The following LRIG1 variants were observed in gnomAD, a reference collection of about 807,000 sequenced individuals.
LRIG1 encodes leucine rich repeats and immunoglobulin like domains 1, also known as leucine-rich repeats and immunoglobulin-like domains protein 1.
Under a neutral mutation model 99.2 loss-of-function variants are expected in LRIG1, and 48 were observed. That is an observed-to-expected ratio of 0.48 (90% CI 0.38 to 0.62). The LOEUF is 0.62. Among genes scored for constraint, LRIG1 ranks in the 20% least tolerant of loss-of-function variants. LRIG1 has a pLI of 0.00. For missense variants in LRIG1, 1,646 were observed against 1,434.4 expected (o/e 1.15, Z -2.38); for synonymous variants, 772 against 596.1 (o/e 1.29, Z -4.30).
intron 1 of LRIG1, among the ~76,000 whole-genome samples, chr3:66,477,847 G>C (rs1337252932): frequency 2.5e-5 from 1 of 40,592 alleles, no homozygotes; most frequent in Non-Finnish European, 2.5e-4. Flanking sequence ...GCAACTATTT[G>C]AGTGATGCAC....
Position 66,409,539 on chromosome 3 carries a change from G to C in LRIG1, c.935+590C>G, listed in dbSNP as rs563659883. ...ACCACACCACACATCTCTGAACTAA[G>C]CACGCACACGACTGCACAGGAGCCT... is the stretch of plus-strand genomic sequence containing the variant. On this transcript the variant is annotated intron_variant, in intron 7 of 18. Transcript: ENST00000273261. Among the ~76,000 whole-genome samples the C allele has an allele frequency of 5.3e-5, 8 of 152,322 alleles. No homozygotes were observed. The South Asian group carries it at 1.7e-3, about 32-fold the overall frequency.
At chr3:66,438,489 A>G (rs1703435648) in intron 3 of LRIG1, among the ~76,000 whole-genome samples, 1 of 152,186 alleles carries the variant, frequency 6.6e-6, no homozygotes, top group Non-Finnish European at 1.5e-5. Context: ...GAAGTCACAA[A>G]GAGAAGTGTT....
rs546142008 is a variant in LRIG1 at position 66,379,423 on chromosome 3, C to T, written c.*840G>A. 13 of 152,212 alleles carry T rather than the reference C, an allele frequency of 8.5e-5. No homozygotes were observed. The highest frequency in any genetic ancestry group is 3.1e-4 in the African/African-American group (13 of 41,448). 9.4% of individuals were successfully genotyped at this position (152,212 alleles called of 1,614,324 possible). ...AAAAATCCACAGGTACCAACACCAGCAGCCTTTACCTTAATTTAAAAGTCT... is the reference window on the plus strand; with the variant it reads ...AAAAATCCACAGGTACCAACACCAGTAGCCTTTACCTTAATTTAAAAGTCT... On this transcript the variant is annotated 3_prime_UTR_variant, in exon 19 of 19. Transcript: ENST00000273261.
chr3:66,406,455 C>T (rs915361274), intron 8 of LRIG1: 14 of 981,260 alleles, frequency 1.4e-5, no homozygotes, highest in Non-Finnish European at 1.6e-5. Context: ...AGCTTGGCTC[C>T]GGCCTCTTTC....
chr3:66,393,574 G>A (rs1701711342), intron 12 of LRIG1, among the ~76,000 whole-genome samples: 1 of 152,236 alleles, frequency 6.6e-6, no homozygotes, highest in African/African-American at 2.4e-5. Flanking sequence ...GTGGTTTGGA[G>A]AAACAGCAAG....
At chr3:66,439,841 C>T (rs1703483928) in intron 3 of LRIG1, among the ~76,000 whole-genome samples, 1 of 152,132 alleles carries the variant, frequency 6.6e-6, no homozygotes, top group African/African-American at 2.4e-5. Flanking sequence ...CACCCTCACC[C>T]GCGCACCACC....
intron 9 of LRIG1, among the ~76,000 whole-genome samples, chr3:66,402,076 C>T (rs1702079601): frequency 1.3e-5 from 2 of 152,158 alleles, no homozygotes; most frequent in Admixed American, 1.3e-4. Flanking sequence ...TGCAAGATCC[C>T]CCAAACATGC....
chr3:66,389,156 A>G (rs1701517436), intron 12 of LRIG1, among the ~76,000 whole-genome samples: 1 of 152,232 alleles, frequency 6.6e-6, no homozygotes, highest in African/African-American at 2.4e-5. Flanking sequence ...TTCATTATTT[A>G]TTTGAACTAG....
chr3:66,448,640 C>T (rs1468936172), intron 3 of LRIG1, among the ~76,000 whole-genome samples: 1 of 152,172 alleles, frequency 6.6e-6, no homozygotes, highest in African/African-American at 2.4e-5. Flanking sequence ...GGACCCACAC[C>T]TAGCCCTGAC....
chr3:66,489,743 G>A (rs572681385), intron 1 of LRIG1, among the ~76,000 whole-genome samples: 119 of 152,290 alleles, frequency 7.8e-4, no homozygotes, highest in South Asian at 2.7e-3. Context: ...ACTAGCCCAA[G>A]GTTATGCTGC....
chr3:66,386,422 G>C, intron 12 of LRIG1, 121 bp from the exon 13 acceptor site: 1 of 798,670 alleles, frequency 1.3e-6, no homozygotes, highest in Non-Finnish European at 2.1e-6. Flanking sequence ...TGAGGTCCCT[G>C]TGCATCCTCA....
Position 66,500,752 on chromosome 3 carries a change from GC to G in LRIG1, c.-346del, listed in dbSNP as rs1436057200. Reference sequence around the variant, plus strand: ...GTGCCGCTACCGACACCGGCCGAGGGCAGTGCTGCCGCTGCGCCTGGAAGAC... The same window carrying G: ...GTGCCGCTACCGACACCGGCCGAGGGAGTGCTGCCGCTGCGCCTGGAAGAC... On this transcript the variant is annotated 5_prime_UTR_variant, in exon 1 of 19. Coordinates refer to ENST00000273261, the MANE Select transcript of LRIG1 (RefSeq NM_015541.3). 1.1e-5 allele frequency: 2 copies of G among 178,140 alleles called. No individual in the cohort carries two copies. The highest frequency in any genetic ancestry group is 1.3e-4 in the Admixed American group (2 of 15,886). The allele number at this position is 178,140 out of a possible 1,614,324, so 11.0% of individuals were successfully genotyped here. A position where few individuals can be genotyped will look rare whatever the true frequency, so the allele number is the denominator to read the frequency against.
At chr3:66,461,832 A>G (rs1347638983) in intron 2 of LRIG1, among the ~76,000 whole-genome samples, 2 of 152,258 alleles carry the variant, frequency 1.3e-5, no homozygotes, top group African/African-American at 4.8e-5. Flanking sequence ...TGCAAGGGAC[A>G]GCAAGCCTAG....
rs1553715390 is a variant in LRIG1 at position 66,408,962 on chromosome 3, G to GTGTGTGTGTGTGTGTGTGTGTGTGT, written c.935+1166_935+1167insACACACACACACACACACACACACA. On this transcript the variant is annotated intron_variant, in intron 7 of 18. Transcript: ENST00000273261. ...TGTGTGTGTGTGTGTGTGTGTGTGT[G>GTGTGTGTGTGTGTGTGTGTGTGTGT]GTGGGGGGAGGGGGGGAGGAGGAGG... Among the ~76,000 whole-genome samples the GTGTGTGTGTGTGTGTGTGTGTGTGT allele has an allele frequency of 7.8e-5, 8 of 103,078 alleles. No individual in the cohort carries two copies. In the East Asian group the frequency reaches 1.3e-3, roughly 17 times the overall value. The allele number at this position is 103,078 out of a possible 152,430, so 67.6% of individuals were successfully genotyped here. A position where few individuals can be genotyped will look rare whatever the true frequency, so the allele number is the denominator to read the frequency against.
intron 12 of LRIG1, among the ~76,000 whole-genome samples, chr3:66,388,723 G>A (rs772792593): frequency 1.3e-4 from 20 of 151,862 alleles, no homozygotes; most frequent in Non-Finnish European, 2.4e-4. Flanking sequence ...AAAGAAAAAC[G>A]TTCAACTATG....
intron 3 of LRIG1, among the ~76,000 whole-genome samples, chr3:66,425,395 A>T (rs899088112): frequency 2.6e-5 from 4 of 152,252 alleles, no homozygotes; most frequent in Non-Finnish European, 5.9e-5. Context: ...ACAGGACTTC[A>T]TGTGACAGAA....
chr3:66,385,103 G>A lies in LRIG1; in HGVS notation c.1790-831C>T, dbSNP rs143402414. On this transcript the variant is annotated intron_variant, in intron 13 of 18. Coordinates refer to ENST00000273261, the MANE Select transcript of LRIG1 (RefSeq NM_015541.3). ...GTTAGTAATCAGGATAACCCCATTA[G>A]GTTACTGGGGTGGGACAGTAAACTC... is the stretch of plus-strand genomic sequence containing the variant. Among the ~76,000 whole-genome samples the A allele has an allele frequency of 1.4e-3, 217 of 152,290 alleles. 1 individual carries two copies. Among genetic ancestry groups the A allele is most frequent in the African/African-American group, 4.9e-3 (203 of 41,554 alleles).
intron 3 of LRIG1, among the ~76,000 whole-genome samples, chr3:66,447,849 T>G (rs186269368): frequency 1.3e-5 from 2 of 152,342 alleles, no homozygotes; most frequent in African/African-American, 4.8e-5. Flanking sequence ...ACAAAATTAC[T>G]GTTGCTGTGG....
intron 15 of LRIG1, 120 bp from the exon 16 acceptor site, chr3:66,382,518 G>C (rs113193902): frequency 4.5e-5 from 52 of 1,155,596 alleles, no homozygotes; most frequent in Non-Finnish European, 6.3e-5. Flanking sequence ...GCTGTGCAGA[G>C]AGATGACATG....
Sources: allele counts gnomAD v4.1 joint callset (sites outside exome capture counted in the v4.1 genomes callset), GRCh38; gene constraint gnomAD v4.1.1; transcripts MANE v1.5; gene names NCBI Gene and HGNC (gene_info 2026-07-23, HGNC 2026-07-21).